CUBN: variants seen among roughly 807,000 people sequenced by gnomAD.
CUBN encodes 460 kDa receptor.
CUBN carries 282 observed loss-of-function variants against 405.3 expected under a neutral mutation model. That is an observed-to-expected ratio of 0.70 (90% CI 0.63 to 0.77). CUBN has a LOEUF of 0.77. Ranked by LOEUF, CUBN falls within the 30% of genes least tolerant of loss-of-function variation. The pLI, the probability that CUBN is intolerant of heterozygous loss-of-function variation, is 0.00. For synonymous variants in CUBN, 1,684 were observed against 1,617.0 expected (o/e 1.04, Z -0.99); for missense variants, 4,514 against 4,475.2 (o/e 1.01, Z -0.25).
At chr10:16,837,530 C>G (rs1215269072) in intron 62 of CUBN, among the ~76,000 whole-genome samples, 1 of 152,144 alleles carries the variant, frequency 6.6e-6, no homozygotes, top group Non-Finnish European at 1.5e-5. Context: ...TTTCTGAACC[C>G]TTTAGAGGTT....
chr10:16,996,735 T>C (rs1257671480), intron 28 of CUBN, among the ~76,000 whole-genome samples: 6 of 152,234 alleles, frequency 3.9e-5, no homozygotes, highest in Admixed American at 3.3e-4. Flanking sequence ...TCAAATGCAG[T>C]CAGCGCTTTG....
At chr10:17,067,938 G>T (rs1588621697) in intron 21 of CUBN, 126 bp downstream of exon 21, 3 of 737,922 alleles carry the variant, frequency 4.1e-6, no homozygotes, top group Non-Finnish European at 7.1e-6. Context: ...TGTAGAAATG[G>T]TCATTAAGAA....
rs1032277650 is a variant in CUBN at position 17,020,178 on chromosome 10, T to G, written c.4018-195A>C. 2.3e-4 allele frequency among the ~76,000 whole-genome samples: 35 copies of G among 152,282 alleles called. 6 individuals carry two copies. Among genetic ancestry groups the G allele is most frequent in the Admixed American group, 1.4e-3 (22 of 15,298 alleles). On this transcript the variant is annotated intron_variant, in intron 27 of 66. Transcript: ENST00000377833. Reference sequence around the variant, plus strand: ...GCATAGAGAGGGTATTAGAGATGGATCTGATTCCTAAGCCCAATAAATTTG... The same window carrying G: ...GCATAGAGAGGGTATTAGAGATGGAGCTGATTCCTAAGCCCAATAAATTTG...
At chr10:16,826,623 A>T (rs1046623194) in intron 66 of CUBN, among the ~76,000 whole-genome samples, 3 of 152,244 alleles carry the variant, frequency 2.0e-5, no homozygotes, top group African/African-American at 7.2e-5. Flanking sequence ...TTTATAAAAA[A>T]ATGTAAAACT....
chr10:17,057,201 C>T (rs1009174465), intron 22 of CUBN, among the ~76,000 whole-genome samples: 4 of 152,244 alleles, frequency 2.6e-5, no homozygotes, highest in Middle Eastern at 3.4e-3. Context: ...GTTCCAGCTC[C>T]GTGACTGCTC....
chr10:16,882,401 G>A (rs191395194), intron 56 of CUBN, among the ~76,000 whole-genome samples: 9 of 152,216 alleles, frequency 5.9e-5, no homozygotes, highest in Non-Finnish European at 1.2e-4. Context: ...CATATTCATC[G>A]TTTGCAATGG....
chr10:16,927,947 C>T (rs945690952), intron 41 of CUBN, among the ~76,000 whole-genome samples: 1 of 152,144 alleles, frequency 6.6e-6, no homozygotes, highest in African/African-American at 2.4e-5. Context: ...GAAGGCAGCA[C>T]ACTTTTGTAC....
chr10:16,872,814 T>G lies in CUBN; in HGVS notation c.9236+1560A>C, dbSNP rs528985005. ...ACTTTCACGCCTGTGCAGGCATACT[T>G]CACAGAACTCCTGCTCCTGGCCATC... On this transcript the variant is annotated intron_variant, in intron 58 of 66. Transcript: ENST00000377833. Among the ~76,000 whole-genome samples, 3 of 152,332 alleles carry G rather than the reference T, an allele frequency of 2.0e-5. No homozygotes were observed. In the South Asian group the frequency reaches 6.2e-4, roughly 32 times the overall value.
intron 31 of CUBN, among the ~76,000 whole-genome samples, chr10:16,974,218 T>G (rs1355819981): frequency 6.6e-6 from 1 of 152,144 alleles, no homozygotes; most frequent in Non-Finnish European, 1.5e-5. Flanking sequence ...TTAACTTTCT[T>G]CCAAAGAACA....
At chr10:16,978,055 A>G (rs1833150821) in intron 31 of CUBN, among the ~76,000 whole-genome samples, 2 of 152,122 alleles carry the variant, frequency 1.3e-5, no homozygotes, top group Non-Finnish European at 2.9e-5. Context: ...ATTCACTCTC[A>G]TTATTTCATG....
intron 48 of CUBN, among the ~76,000 whole-genome samples, chr10:16,909,707 G>A (rs1043700896): frequency 8.5e-5 from 13 of 152,224 alleles, no homozygotes; most frequent in African/African-American, 2.2e-4. Flanking sequence ...GACTTCTGCT[G>A]TTAGAAGCAA....
At chr10:16,950,352 G>T (rs927533807) in intron 33 of CUBN, among the ~76,000 whole-genome samples, 1 of 152,030 alleles carries the variant, frequency 6.6e-6, no homozygotes, top group African/African-American at 2.4e-5. Context: ...TTGAAGGGAT[G>T]GATACCCCAT....
intron 64 of CUBN, among the ~76,000 whole-genome samples, chr10:16,833,262 T>C (rs973302018): frequency 6.0e-5 from 9 of 150,220 alleles, no homozygotes; most frequent in Admixed American, 3.9e-4. Flanking sequence ...TGGATCTCCA[T>C]GGTGGGGGAG....
At chr10:17,088,076 T>G in intron 15 of CUBN, 88 bp downstream of exon 15, 1 of 944,122 alleles carries the variant, frequency 1.1e-6, no homozygotes, top group South Asian at 1.4e-5. Context: ...CAGCTAATAT[T>G]TTGGGGTCAT....
chr10:17,050,104 A>C (rs1169901659), intron 22 of CUBN, among the ~76,000 whole-genome samples: 1 of 152,036 alleles, frequency 6.6e-6, no homozygotes, highest in South Asian at 2.1e-4. Flanking sequence ...AACTACCCCT[A>C]AACTCCAATC....
At chr10:17,008,663 G>T (rs1834098162) in intron 28 of CUBN, among the ~76,000 whole-genome samples, 1 of 151,872 alleles carries the variant, frequency 6.6e-6, no homozygotes. Context: ...TTAGGTTTTG[G>T]TTCAGAGGTC....
chr10:16,852,387 CTA>C (rs1371328092), intron 59 of CUBN, among the ~76,000 whole-genome samples: 1 of 144,686 alleles, frequency 6.9e-6, no homozygotes. Flanking sequence ...CTCCCTCACT[CTA>C]TCTTTCCCTC....
intron 60 of CUBN, among the ~76,000 whole-genome samples, chr10:16,844,459 G>A (rs1173453007): frequency 6.6e-6 from 1 of 152,172 alleles, no homozygotes; most frequent in African/African-American, 2.4e-5. Context: ...ACAAAGCTGT[G>A]AAGTTCCATA....
intron 27 of CUBN, among the ~76,000 whole-genome samples, chr10:17,038,152 T>C (rs754542810): frequency 2.0e-5 from 3 of 152,120 alleles, no homozygotes; most frequent in Non-Finnish European, 2.9e-5. Context: ...ACACACATGC[T>C]CCCTGTTGAC....
Sources: gnomAD v4.1 joint callset for allele counts (sites outside exome capture counted in the v4.1 genomes callset) on GRCh38, gnomAD v4.1.1 for gene constraint, MANE v1.5 for transcripts, NCBI Gene and HGNC (gene_info 2026-07-23, HGNC 2026-07-21) for gene names.